The following ASIP variants were observed in gnomAD, a reference collection of about 807,000 sequenced individuals.
ASIP encodes the protein agouti signaling protein.
ASIP carries 11 observed loss-of-function variants against 10.3 expected under a neutral mutation model. The ratio of observed to expected loss-of-function variants is 1.07; its 90% CI spans 0.68 to 1.78. The LOEUF (loss-of-function observed/expected upper bound fraction) is 1.78, where lower values mean the gene tolerates loss of function less well. Among genes scored for constraint, ASIP ranks in the 40% most tolerant of loss-of-function variants. The pLI is 0.00. For synonymous variants in ASIP, 70 were observed against 70.8 expected, an observed-to-expected ratio of 0.99 and a Z score of 0.06; for missense variants, 180 against 169.2, an observed-to-expected ratio of 1.06 and a Z score of -0.35.
chr20:34,253,574 C>T (rs2035519248), intron 1 of ASIP, among the ~76,000 whole-genome samples: 1 of 151,758 alleles, frequency 6.6e-6, no homozygotes, highest in Non-Finnish European at 1.5e-5. Context: ...CCGGTTCAAG[C>T]GATTCTTCTG....
chr20:34,252,936 T>C (rs1177021144), intron 1 of ASIP, among the ~76,000 whole-genome samples: 1 of 152,180 alleles, frequency 6.6e-6, no homozygotes, highest in African/African-American at 2.4e-5. Context: ...CCTAAATCCA[T>C]TAAACTTTGA....
intron 1 of ASIP, among the ~76,000 whole-genome samples, chr20:34,203,193 T>C (rs1346767450): frequency 6.6e-6 from 1 of 152,114 alleles, no homozygotes; most frequent in African/African-American, 2.4e-5. Flanking sequence ...TGGGATTACA[T>C]TAAATCTGTC....
chr20:34,223,436 CACCCCATCT>C (rs2035066680), intron 1 of ASIP, among the ~76,000 whole-genome samples: 1 of 151,422 alleles, frequency 6.6e-6, no homozygotes, highest in Non-Finnish European at 1.5e-5. Flanking sequence ...GCCCGGCAGC[CACCCCATCT>C]GGGAAGTGAG....
chr20:34,263,004 T>C, intron 3 of ASIP, 111 bp downstream of exon 3: 1 of 1,268,998 alleles, frequency 7.9e-7, no homozygotes, highest in South Asian at 1.4e-5. Context: ...TTCAGGCCTA[T>C]ATTAACAAAA....
intron 1 of ASIP, among the ~76,000 whole-genome samples, chr20:34,250,915 G>A (rs115614255): frequency 5.9e-5 from 9 of 152,170 alleles, no homozygotes; most frequent in African/African-American, 2.2e-4. Flanking sequence ...TGCCTTCAGT[G>A]CACACTCAGG....
At chr20:34,194,454 C>T (rs2034842009), upstream of ASIP, 1 of 151,682 alleles carries the variant, frequency 6.6e-6, no homozygotes, top group Admixed American at 6.6e-5. Flanking sequence ...ATTTATAGCT[C>T]CTTTCAAAAA....
chr20:34,238,208 TAATC>T (rs1284281346), upstream of ASIP, among the ~76,000 whole-genome samples: 1 of 152,210 alleles, frequency 6.6e-6, no homozygotes, highest in Non-Finnish European at 1.5e-5. Context: ...TTGGAAGTCT[TAATC>T]AATGTTTCTT....
chr20:34,243,875 T>A (rs193005318), intron 1 of ASIP, among the ~76,000 whole-genome samples: 4 of 151,818 alleles, frequency 2.6e-5, no homozygotes, highest in Non-Finnish European at 5.9e-5. Context: ...CCATCCTGGC[T>A]AACACGATGA....
At position 34,260,444 on chromosome 20, in the gene ASIP, C is replaced by T; in HGVS notation, c.70C>T (p.Leu24=). Residue 24 remains leucine (L), a synonymous_variant, in exon 2 of 4, where the codon CTG becomes TTG. Transcript: ENST00000374954. ...CTGCTTCTTCACTGCCAACAGCCAC[C>T]TGCCACCTGAGGAGAAGCTCCGAGA... ...FLCFFTANSH[L]PPEEKLRDDR... 6.2e-7 allele frequency: 1 copy of T among 1,614,184 alleles called. No homozygotes were observed. The highest frequency in any genetic ancestry group is 8.5e-7 in the Non-Finnish European group (1 of 1,180,018).
intron 1 of ASIP, among the ~76,000 whole-genome samples, chr20:34,243,931 G>A (rs1399087849): frequency 3.9e-5 from 6 of 152,132 alleles, no homozygotes; most frequent in Non-Finnish European, 7.3e-5. Flanking sequence ...CGGGCGTGGT[G>A]GCGGGCGCCT....
intron 1 of ASIP, among the ~76,000 whole-genome samples, chr20:34,204,311 C>G (rs950356589): frequency 6.6e-6 from 1 of 151,424 alleles, no homozygotes; most frequent in African/African-American, 2.4e-5. Context: ...ACCTCCGCCT[C>G]GTGGGTTAAA....
chr20:34,269,204 G>A lies in ASIP; in HGVS notation c.*37G>A, dbSNP rs1386087149. 2.1e-6 allele frequency: 3 copies of A among 1,448,754 alleles called. No individual in the cohort carries two copies. The East Asian group carries it at 7.9e-5, about 38-fold the overall frequency. 89.7% of individuals were successfully genotyped at this position (1,448,754 alleles called of 1,614,324 possible). A position where few individuals can be genotyped will look rare whatever the true frequency, so the allele number is the denominator to read the frequency against. On this transcript the variant is annotated 3_prime_UTR_variant, in exon 4 of 4. Coordinates refer to ENST00000374954, the MANE Select transcript of ASIP (RefSeq NM_001672.3). ...CCCGGCCGCGAGCAGGCAGGGCTTCGGGGACGCGGGGCGCTTCTCGGGCGG... is the reference window on the plus strand; with the variant it reads ...CCCGGCCGCGAGCAGGCAGGGCTTCAGGGACGCGGGGCGCTTCTCGGGCGG...
rs59455348 is a variant in ASIP at position 34,233,691 on chromosome 20, G to T, written c.-10-26674G>T. 4.1e-3 allele frequency among the ~76,000 whole-genome samples: 624 copies of T among 152,254 alleles called. 5 individuals are homozygous for T. Among genetic ancestry groups the T allele is most frequent in the African/African-American group, 0.014 (601 of 41,534 alleles). On this transcript the variant is annotated intron_variant, in intron 1 of 3. Transcript: ENST00000568305. ...CAAATACTTTGACTATAAGCCCATT[G>T]TTGATGAGTTTTTGCACTAAAAAAT...
chr20:34,249,446 T>C (rs2035438336), intron 1 of ASIP, among the ~76,000 whole-genome samples: 1 of 152,150 alleles, frequency 6.6e-6, no homozygotes, highest in South Asian at 2.1e-4. Flanking sequence ...TAATGTAATG[T>C]TTCCCCTAAT....
At chr20:34,258,898 G>A (rs1274532066) in intron 1 of ASIP, among the ~76,000 whole-genome samples, 1 of 127,020 alleles carries the variant, frequency 7.9e-6, no homozygotes, top group Non-Finnish European at 1.6e-5. Flanking sequence ...TATATATATA[G>A]TGTATATATA....
upstream of ASIP, among the ~76,000 whole-genome samples, chr20:34,194,108 T>C (rs1422772205): frequency 1.3e-5 from 2 of 152,132 alleles, no homozygotes; most frequent in African/African-American, 4.8e-5. Flanking sequence ...TAAATAAATA[T>C]ACCAGTGGCA....
chr20:34,212,223 G>A (rs1030070651), intron 1 of ASIP, among the ~76,000 whole-genome samples: 26 of 151,472 alleles, frequency 1.7e-4, no homozygotes, highest in South Asian at 2.1e-4. Flanking sequence ...ATTTCATAAC[G>A]TAAAGAAAAG....
intron 1 of ASIP, among the ~76,000 whole-genome samples, chr20:34,250,508 A>T (rs1362964994): frequency 6.6e-6 from 1 of 152,186 alleles, no homozygotes; most frequent in Non-Finnish European, 1.5e-5. Flanking sequence ...TCTCAAAAAA[A>T]TTAAAAAGGC....
chr20:34,212,920 G>T (rs1033501839), intron 1 of ASIP, among the ~76,000 whole-genome samples: 1 of 152,156 alleles, frequency 6.6e-6, no homozygotes, highest in Non-Finnish European at 1.5e-5. Context: ...GCAAAATTAA[G>T]ATTTTCCAAC....
Sources: gnomAD v4.1 joint callset for allele counts (sites outside exome capture counted in the v4.1 genomes callset) on GRCh38, gnomAD v4.1.1 for gene constraint, MANE v1.5 for transcripts, NCBI Gene and HGNC (gene_info 2026-07-23, HGNC 2026-07-21) for gene names.